The following FRMD4B variants were observed in gnomAD, a reference collection of about 807,000 sequenced individuals.
FRMD4B encodes the protein FERM domain containing 4B, also known as FERM domain-containing protein 4B.
Under a neutral mutation model 141.5 loss-of-function variants are expected in FRMD4B, and 74 were observed. That is an observed-to-expected ratio of 0.52 (90% CI 0.43 to 0.63). FRMD4B has a LOEUF of 0.63. Ranked by LOEUF, FRMD4B falls within the 30% of genes least tolerant of loss-of-function variation. FRMD4B has a pLI of 0.00. For missense variants in FRMD4B, 1,366 were observed against 1,253.4 expected, an observed-to-expected ratio of 1.09 and a Z score of -1.36; for synonymous variants, 506 against 467.9, an observed-to-expected ratio of 1.08 and a Z score of -1.05.
At chr3:69,209,920 G>A (rs1018921059) in intron 11 of FRMD4B, among the ~76,000 whole-genome samples, 1 of 152,196 alleles carries the variant, frequency 6.6e-6, no homozygotes, top group Admixed American at 6.5e-5. Context: ...GGAAAGAAGA[G>A]CTTAGAAATG....
At chr3:69,520,874 G>C (rs1235011559) in intron 1 of FRMD4B, among the ~76,000 whole-genome samples, 3 of 152,036 alleles carry the variant, frequency 2.0e-5, no homozygotes, top group Non-Finnish European at 4.4e-5. Context: ...TATTAGAAAG[G>C]CTTATTTATC....
At chr3:69,293,282 T>A (rs931631863) in intron 4 of FRMD4B, among the ~76,000 whole-genome samples, 1 of 152,012 alleles carries the variant, frequency 6.6e-6, no homozygotes, top group Non-Finnish European at 1.5e-5. Context: ...TTATTTCTAG[T>A]GGTCACAAGT....
At chr3:69,534,233 A>T (rs930787116) in intron 1 of FRMD4B, among the ~76,000 whole-genome samples, 1 of 152,230 alleles carries the variant, frequency 6.6e-6, no homozygotes, top group African/African-American at 2.4e-5. Flanking sequence ...TACCTAATAC[A>T]TATTTTTACA....
At chr3:69,267,034 G>T (rs1386266890) in intron 5 of FRMD4B, among the ~76,000 whole-genome samples, 1 of 152,184 alleles carries the variant, frequency 6.6e-6, no homozygotes, top group Non-Finnish European at 1.5e-5. Context: ...TTGGTGTATT[G>T]CAGATACCTG....
intron 1 of FRMD4B, among the ~76,000 whole-genome samples, chr3:69,447,447 C>G (rs1460653586): frequency 6.6e-6 from 1 of 152,124 alleles, no homozygotes; most frequent in Non-Finnish European, 1.5e-5. Flanking sequence ...TGAGGTATAA[C>G]ATATATACAC....
intron 1 of FRMD4B, among the ~76,000 whole-genome samples, chr3:69,530,424 C>G (rs1182947076): frequency 6.6e-6 from 1 of 152,198 alleles, no homozygotes; most frequent in African/African-American, 2.4e-5. Context: ...TCCCTCCTCT[C>G]TCATCATGTA....
At chr3:69,203,193 T>C (rs573264618) in intron 11 of FRMD4B, among the ~76,000 whole-genome samples, 2 of 151,894 alleles carry the variant, frequency 1.3e-5, no homozygotes, top group African/African-American at 2.4e-5. Flanking sequence ...TTGAAATCTA[T>C]AATCAATATT....
At chr3:69,497,228 G>A (rs890799266) in intron 1 of FRMD4B, among the ~76,000 whole-genome samples, 1 of 152,154 alleles carries the variant, frequency 6.6e-6, no homozygotes, top group African/African-American at 2.4e-5. Flanking sequence ...CAGCTAATGA[G>A]TACCATGAAC....
chr3:69,309,403 A>G (rs908502741), intron 3 of FRMD4B, among the ~76,000 whole-genome samples: 1 of 151,724 alleles, frequency 6.6e-6, no homozygotes, highest in Non-Finnish European at 1.5e-5. Flanking sequence ...TGGTCTCCAA[A>G]AGTGTTAGGA....
At chr3:69,417,061 A>G (rs1000830363) in intron 2 of FRMD4B, among the ~76,000 whole-genome samples, 1 of 152,188 alleles carries the variant, frequency 6.6e-6, no homozygotes, top group African/African-American at 2.4e-5. Flanking sequence ...CTATGGGTAT[A>G]TACCTGGTAA....
At chr3:69,492,853 T>A (rs886244339) in intron 1 of FRMD4B, among the ~76,000 whole-genome samples, 8 of 152,228 alleles carry the variant, frequency 5.3e-5, no homozygotes, top group African/African-American at 1.9e-4. Flanking sequence ...ACTTCATGGC[T>A]GGTAAACGTT....
chr3:69,261,813 C>G (rs1253837349), intron 5 of FRMD4B, among the ~76,000 whole-genome samples: 1 of 152,138 alleles, frequency 6.6e-6, no homozygotes, highest in Non-Finnish European at 1.5e-5. Flanking sequence ...GCTTGGAATA[C>G]AGGCGTGTGC....
At chr3:69,348,450 T>C (rs886568801) in intron 1 of FRMD4B, among the ~76,000 whole-genome samples, 8 of 151,992 alleles carry the variant, frequency 5.3e-5, no homozygotes, top group Non-Finnish European at 8.8e-5. Flanking sequence ...TTCCAATCAA[T>C]AGAAAAAGAG....
chr3:69,427,743 A>G (rs1365445465), intron 2 of FRMD4B, among the ~76,000 whole-genome samples: 1 of 134,330 alleles, frequency 7.4e-6, no homozygotes. Flanking sequence ...GCAAAATCCA[A>G]CTCCCAGGCT....
At chr3:69,375,262 ATCCCAT>A (rs1703941059) in intron 1 of FRMD4B, among the ~76,000 whole-genome samples, 1 of 9,390 alleles carries the variant, frequency 1.1e-4, no homozygotes. Context: ...CATCCACCCC[ATCCCAT>A]CCATCCATCC....
At chr3:69,290,774 A>G (rs1700846494) in intron 4 of FRMD4B, among the ~76,000 whole-genome samples, 1 of 152,144 alleles carries the variant, frequency 6.6e-6, no homozygotes, top group Non-Finnish European at 1.5e-5. Flanking sequence ...GATTTCACAG[A>G]CGCAGACTCT....
rs148757955 is a variant in FRMD4B at position 69,494,807 on chromosome 3, G to T, written c.-129+47399C>A. ...CTTGGGAGGCTGAGGCAGGAGAATT[G>T]CTTGAACCCGGGAGGCAGAGGTTGC... On this transcript the variant is annotated intron_variant, in intron 1 of 5. Coordinates refer to the FRMD4B transcript ENST00000459638. Among the ~76,000 whole-genome samples the T allele has an allele frequency of 6.6e-3, 1,007 of 152,130 alleles. 15 individuals carry two copies. Among genetic ancestry groups the T allele is most frequent in the African/African-American group, 0.023 (969 of 41,512 alleles).
At chr3:69,282,126 T>C (rs9310145) in intron 5 of FRMD4B, among the ~76,000 whole-genome samples, 145,345 of 152,280 alleles carry the variant, frequency 0.95, 69,757 homozygotes, top group East Asian at 1. Context: ...AATCTTATCA[T>C]AAGTCATATT....
At chr3:69,297,165 C>T (rs140568111) in intron 4 of FRMD4B, among the ~76,000 whole-genome samples, 2 of 152,218 alleles carry the variant, frequency 1.3e-5, no homozygotes, top group Admixed American at 6.5e-5. Flanking sequence ...CGAGGACTCA[C>T]GGGTTGTAGT....
Sources: gnomAD v4.1 joint callset for allele counts (sites outside exome capture counted in the v4.1 genomes callset) on GRCh38, gnomAD v4.1.1 for gene constraint, MANE v1.5 for transcripts, NCBI Gene and HGNC (gene_info 2026-07-23, HGNC 2026-07-21) for gene names.